The following THSD4 variants were observed in gnomAD, a reference collection of about 807,000 sequenced individuals.
THSD4 encodes the protein thrombospondin type-1 domain-containing protein 4.
A neutral mutation model predicts 119.0 loss-of-function variants in THSD4; 69 were observed. The ratio of observed to expected loss-of-function variants is 0.58; its 90% CI spans 0.48 to 0.71. The LOEUF (loss-of-function observed/expected upper bound fraction) is 0.71. THSD4 is among the 30% of genes least tolerant of loss of function. The pLI is 0.00. For synonymous variants in THSD4, 524 were observed against 540.4 expected (o/e 0.97, Z 0.42); for missense variants, 1,393 against 1,391.1 (o/e 1.00, Z -0.02).
intron 17 of THSD4, among the ~76,000 whole-genome samples, chr15:71,775,236 C>CA (rs1418331670): frequency 1.3e-5 from 2 of 151,926 alleles, no homozygotes; most frequent in Non-Finnish European, 2.9e-5. Flanking sequence ...AAAATACAGA[C>CA]ACCCCAAAAA....
chr15:71,427,331 G>A (rs753969988), intron 7 of THSD4, among the ~76,000 whole-genome samples: 15 of 150,922 alleles, frequency 9.9e-5, no homozygotes, highest in Non-Finnish European at 1.9e-4. Flanking sequence ...AAACCTAGTG[G>A]GAAAAGTAAT....
chr15:71,551,789 CACA>C (rs981905447), intron 7 of THSD4, among the ~76,000 whole-genome samples: 2 of 152,150 alleles, frequency 1.3e-5, no homozygotes, highest in Non-Finnish European at 2.9e-5. Flanking sequence ...TGACCACATG[CACA>C]CCCTCTGCCT....
intron 4 of THSD4, among the ~76,000 whole-genome samples, chr15:71,225,143 TGAA>T (rs72024744): frequency 0.38 from 57,321 of 151,824 alleles, 11,308 homozygotes; most frequent in Admixed American, 0.49. Context: ...CCCAGAAAAA[TGAA>T]GAAGAGGAAA....
Position 71,746,963 on chromosome 15 carries a change from A to G in THSD4, c.2162A>G (p.His721Arg). The G allele has an allele frequency of 6.2e-7, 1 of 1,613,736 alleles. No homozygotes were observed. The highest frequency in any genetic ancestry group is 8.5e-7 in the Non-Finnish European group (1 of 1,179,990). ...ACGGTGCAGCCCTACCGCTGCCAGC[A>G]CCTGGAGAAACCTGAGACCACCAGC... Reference protein sequence around the residue: ...SLTVQPYRCQHLEKPETTSTC... With the variant: ...SLTVQPYRCQRLEKPETTSTC... The change falls in exon 13 of 18, where the codon CAC becomes CGC. Residue 721 changes from histidine to arginine, a missense_variant. Transcript: ENST00000261862.
At chr15:71,398,578 G>A (rs1030862640) in intron 6 of THSD4, among the ~76,000 whole-genome samples, 3 of 152,058 alleles carry the variant, frequency 2.0e-5, no homozygotes, top group African/African-American at 7.2e-5. Flanking sequence ...CCAATAATAG[G>A]GATTGAAAGA....
intron 6 of THSD4, among the ~76,000 whole-genome samples, chr15:71,344,972 C>A (rs2045634960): frequency 6.6e-6 from 1 of 151,836 alleles, no homozygotes; most frequent in South Asian, 2.1e-4. Context: ...TGTGAGTGGT[C>A]ATGTGGGAGA....
intron 3 of THSD4, among the ~76,000 whole-genome samples, chr15:71,160,409 ATTGT>A (rs143880374): frequency 0.017 from 2,603 of 151,512 alleles, 85 homozygotes; most frequent in African/African-American, 0.06. Flanking sequence ...TCTTCTTTAA[ATTGT>A]TTGTAGAATA....
At chr15:71,359,849 C>CA (rs5813626) in intron 6 of THSD4, among the ~76,000 whole-genome samples, 109 of 151,628 alleles carry the variant, frequency 7.2e-4, no homozygotes, top group African/African-American at 2.4e-3. Flanking sequence ...AACAAGCAAA[C>CA]AAAAAAAACA....
rs560122989 is a variant in THSD4 at position 71,128,948 on chromosome 15, T to C, written c.-79-12501T>C. 7.2e-5 allele frequency among the ~76,000 whole-genome samples: 11 copies of C among 152,228 alleles called. No homozygotes were observed. In the South Asian group the frequency reaches 1.7e-3, roughly 23 times the overall value. ...AATCAGAGAACATTAATTGCAATTA[T>C]CTGGATGATGGTTTAGATGAGGCTG... On this transcript the variant is annotated intron_variant, in intron 1 of 17. Transcript: ENST00000261862.
intron 8 of THSD4, among the ~76,000 whole-genome samples, chr15:71,685,751 G>A (rs1177289838): frequency 6.6e-6 from 1 of 152,026 alleles, no homozygotes; most frequent in Non-Finnish European, 1.5e-5. Flanking sequence ...AAAAGTGGTA[G>A]TTTCTTAAAG....
intron 10 of THSD4, chr15:71,731,791 A>C (rs1419420280): frequency 6.5e-6 from 1 of 153,558 alleles, no homozygotes; most frequent in Non-Finnish European, 1.5e-5. Context: ...CTCAAAATTA[A>C]GAAAAAACAA....
chr15:71,342,135 A>G (rs2045587480), intron 6 of THSD4, among the ~76,000 whole-genome samples: 2 of 131,524 alleles, frequency 1.5e-5, no homozygotes, highest in Non-Finnish European at 3.3e-5. Flanking sequence ...ACGCTTCTTC[A>G]TAAAAAAAAA....
intron 7 of THSD4, among the ~76,000 whole-genome samples, chr15:71,459,803 A>G (rs1054240548): frequency 6.6e-6 from 1 of 152,210 alleles, no homozygotes; most frequent in African/African-American, 2.4e-5. Flanking sequence ...GCTTTGAACT[A>G]GAGAGTAGAG....
intron 1 of THSD4, among the ~76,000 whole-genome samples, chr15:71,099,402 C>T (rs1462512319): frequency 1.3e-5 from 2 of 152,114 alleles, no homozygotes; most frequent in African/African-American, 2.4e-5. Flanking sequence ...CTTGTCATTT[C>T]TCCATTCAGT....
intron 6 of THSD4, chr15:71,342,496 C>G (rs1303980188): frequency 6.6e-6 from 1 of 152,474 alleles, no homozygotes; most frequent in African/African-American, 2.4e-5. Context: ...TTGAGCTGAT[C>G]GCCATGCAGG....
intron 4 of THSD4, among the ~76,000 whole-genome samples, chr15:71,231,677 A>G (rs996238733): frequency 6.6e-6 from 1 of 152,166 alleles, no homozygotes; most frequent in Non-Finnish European, 1.5e-5. Flanking sequence ...GGTCTTCAGC[A>G]CATGGTGGGG....
chr15:71,678,359 T>C (rs938964384), intron 8 of THSD4, among the ~76,000 whole-genome samples: 12 of 152,180 alleles, frequency 7.9e-5, no homozygotes, highest in Non-Finnish European at 7.3e-5. Flanking sequence ...AACCAACAGC[T>C]GGGGATGACC....
rs11292320 is a variant in THSD4, at chr15:71,560,970, CTTTTT to C, written c.1153-99542_1153-99538del. 3.7e-3 allele frequency among the ~76,000 whole-genome samples: 458 copies of C among 123,980 alleles called. 8 individuals carry two copies. The highest frequency in any genetic ancestry group is 8.8e-3 in the Admixed American group (105 of 11,976). The allele number at this position is 123,980 out of a possible 152,430, so 81.3% of individuals were successfully genotyped here. A position where few individuals can be genotyped will look rare whatever the true frequency, so the allele number is the denominator to read the frequency against. ...GTTCACTAAGCATCATTCTCTTTAT[CTTTTT>C]TTTTTTTTTTTTTTTTTGAGATGGA... is the stretch of plus-strand genomic sequence containing the variant. On this transcript the variant is annotated intron_variant, in intron 7 of 17. Transcript: ENST00000261862.
intron 7 of THSD4, among the ~76,000 whole-genome samples, chr15:71,647,545 A>G (rs2050995075): frequency 6.6e-6 from 1 of 152,232 alleles, no homozygotes; most frequent in East Asian, 1.9e-4. Flanking sequence ...ATAAGGAATT[A>G]TCTTTATTTA....
Sources: gnomAD v4.1 joint callset for allele counts (sites outside exome capture counted in the v4.1 genomes callset) on GRCh38, gnomAD v4.1.1 for gene constraint, MANE v1.5 for transcripts, NCBI Gene and HGNC (gene_info 2026-07-23, HGNC 2026-07-21) for gene names.